PATJ: variants seen among roughly 807,000 people sequenced by gnomAD.
PATJ encodes PATJ crumbs cell polarity complex component.
A neutral mutation model predicts 224.9 loss-of-function variants in PATJ; 190 were observed. That is an observed-to-expected ratio of 0.84 (90% CI 0.75 to 0.95). The LOEUF (loss-of-function observed/expected upper bound fraction) is 0.95, where lower values mean the gene tolerates loss of function less well. Ranked by LOEUF, PATJ falls within the 40% of genes least tolerant of loss-of-function variation. The probability of loss-of-function intolerance (pLI) is 0.00; values close to 1 mark genes in which losing one functional copy is unlikely to be tolerated. For synonymous variants in PATJ, 769 were observed against 820.3 expected (o/e 0.94, Z 1.07); for missense variants, 2,121 against 2,270.3 (o/e 0.93, Z 1.34).
At chr1:61,929,770 A>G (rs890127872) in intron 27 of PATJ, among the ~76,000 whole-genome samples, 20 of 152,336 alleles carry the variant, frequency 1.3e-4, no homozygotes, top group African/African-American at 4.6e-4. Flanking sequence ...CTGTAATTCC[A>G]GCACTTTGGG....
chr1:61,840,403 T>C (rs773481266), intron 17 of PATJ, among the ~76,000 whole-genome samples: 1 of 152,022 alleles, frequency 6.6e-6, no homozygotes, highest in Non-Finnish European at 1.5e-5. Context: ...CATAATCCCT[T>C]ACTTCTTCCA....
chr1:62,088,873 T>C (rs1182848016), intron 33 of PATJ, among the ~76,000 whole-genome samples: 2 of 148,328 alleles, frequency 1.3e-5, no homozygotes, highest in Non-Finnish European at 3.0e-5. Context: ...ATAGAACATA[T>C]ATATATATAT....
intron 17 of PATJ, among the ~76,000 whole-genome samples, chr1:61,846,957 T>C (rs945122570): frequency 1.3e-5 from 2 of 152,234 alleles, no homozygotes; most frequent in Non-Finnish European, 2.9e-5. Flanking sequence ...ACCTTAGGCA[T>C]TTCAGCAAGA....
intron 17 of PATJ, among the ~76,000 whole-genome samples, chr1:61,848,091 G>C (rs1662249356): frequency 1.3e-5 from 2 of 152,142 alleles, no homozygotes; most frequent in Admixed American, 1.3e-4. Context: ...GGACAAATTT[G>C]AGTCAAGATA....
intron 17 of PATJ, among the ~76,000 whole-genome samples, chr1:61,836,027 A>G (rs1009574365): frequency 5.3e-5 from 8 of 152,182 alleles, no homozygotes; most frequent in African/African-American, 1.7e-4. Context: ...TATTTTGAAT[A>G]GTGCACATAT....
At chr1:61,768,244 C>G (rs982642907) in intron 4 of PATJ, among the ~76,000 whole-genome samples, 8 of 151,542 alleles carry the variant, frequency 5.3e-5, no homozygotes, top group African/African-American at 1.9e-4. Flanking sequence ...CCAAGGCAGG[C>G]GGATCACGAG....
intron 28 of PATJ, among the ~76,000 whole-genome samples, chr1:62,011,137 G>A (rs1348490233): frequency 6.6e-6 from 1 of 152,170 alleles, no homozygotes; most frequent in Non-Finnish European, 1.5e-5. Context: ...AGGCCGTTTC[G>A]CTTTCTTATC....
intron 4 of PATJ, 28 bp from the exon 5 acceptor site, chr1:61,769,255 A>C: frequency 2.5e-6 from 4 of 1,590,604 alleles, no homozygotes; most frequent in Non-Finnish European, 3.4e-6. Flanking sequence ...TACACCATTG[A>C]CTTTTTTTTT....
intron 14 of PATJ, among the ~76,000 whole-genome samples, chr1:61,816,841 A>G (rs1461246429): frequency 1.3e-5 from 2 of 152,204 alleles, no homozygotes; most frequent in Non-Finnish European, 2.9e-5. Context: ...CTAGTAGTGC[A>G]GGTGGCATAT....
intron 27 of PATJ, among the ~76,000 whole-genome samples, chr1:61,928,384 AT>A (rs2149291534): frequency 6.6e-6 from 1 of 152,290 alleles, no homozygotes; most frequent in East Asian, 1.9e-4. Flanking sequence ...TGTATACCAA[AT>A]TTCTTTTGGA....
intron 19 of PATJ, 68 bp downstream of exon 19, chr1:61,861,735 A>G: frequency 1.5e-6 from 1 of 670,576 alleles, no homozygotes. Flanking sequence ...TAGAAAGAAT[A>G]AAAAGAAAAT....
chr1:62,132,095 G>C (rs1001073530), intron 41 of PATJ, among the ~76,000 whole-genome samples: 1 of 152,084 alleles, frequency 6.6e-6, no homozygotes, highest in Non-Finnish European at 1.5e-5. Flanking sequence ...TGATCTGCCC[G>C]CCTTGGCCTC....
At position 61,983,475 on chromosome 1, in the gene PATJ, A is replaced by G. The variant is rs375250833; in HGVS notation, c.3671-6693A>G. Among the ~76,000 whole-genome samples, 5 of 152,232 alleles carry G rather than the reference A, an allele frequency of 3.3e-5. No homozygotes were observed. In the South Asian group the frequency reaches 6.2e-4, roughly 19 times the overall value. ...TACTACTAATGGATTTTAATTTTGA[A>G]TACAGCTCTAAAGAGGAAACTTTTA... is the stretch of plus-strand genomic sequence containing the variant. On this transcript the variant is annotated intron_variant, in intron 27 of 43. Coordinates refer to ENST00000642238, the MANE Select transcript of PATJ (RefSeq NM_001350145.3).
At chr1:61,818,051 A>T (rs1359189867) in intron 14 of PATJ, among the ~76,000 whole-genome samples, 1 of 152,006 alleles carries the variant, frequency 6.6e-6, no homozygotes, top group African/African-American at 2.4e-5. Flanking sequence ...AAGCAATATC[A>T]TTTATATTCC....
At chr1:61,762,035 G>A (rs1299337510) in intron 1 of PATJ, among the ~76,000 whole-genome samples, 1 of 152,210 alleles carries the variant, frequency 6.6e-6, no homozygotes, top group East Asian at 1.9e-4. Context: ...GGTATAGAGA[G>A]GACACCTCTC....
chr1:61,938,327 A>G (rs1402258766), intron 27 of PATJ, among the ~76,000 whole-genome samples: 1 of 152,132 alleles, frequency 6.6e-6, no homozygotes, highest in African/African-American at 2.4e-5. Context: ...TTGTAACAGC[A>G]TTCTTGATTA....
chr1:61,820,198 T>A (rs995100635), intron 14 of PATJ, among the ~76,000 whole-genome samples: 2 of 148,740 alleles, frequency 1.3e-5, no homozygotes, highest in African/African-American at 5.0e-5. Context: ...TGCCCAACCA[T>A]GCTCAGCTAA....
chr1:61,799,638 C>T (rs1293040397), intron 11 of PATJ, among the ~76,000 whole-genome samples: 3 of 152,046 alleles, frequency 2.0e-5, no homozygotes, highest in African/African-American at 7.2e-5. Context: ...GTTTGGTCTT[C>T]TAGTATACCC....
intron 7 of PATJ, among the ~76,000 whole-genome samples, chr1:61,783,591 GT>G (rs1188057901): frequency 6.6e-6 from 1 of 150,700 alleles, no homozygotes; most frequent in East Asian, 2.0e-4. Context: ...TCATTTTTTA[GT>G]TTTTGAAGAA....
Sources: allele counts gnomAD v4.1 joint callset (sites outside exome capture counted in the v4.1 genomes callset), GRCh38; gene constraint gnomAD v4.1.1; transcripts MANE v1.5; gene names NCBI Gene and HGNC (gene_info 2026-07-23, HGNC 2026-07-21).